The following COL4A2 variants were observed in gnomAD, a reference collection of about 807,000 sequenced individuals.
The protein encoded by COL4A2 is collagen type IV alpha 2 chain, also known as collagen alpha-2(IV) chain.
COL4A2 carries 99 observed loss-of-function variants against 200.2 expected under a neutral mutation model. The observed-to-expected ratio is 0.49, with a 90% confidence interval of 0.42 to 0.58. The LOEUF (loss-of-function observed/expected upper bound fraction) is 0.58, where lower values mean the gene tolerates loss of function less well. Ranked by LOEUF, COL4A2 falls within the 20% of genes least tolerant of loss-of-function variation. The pLI, the probability that COL4A2 is intolerant of heterozygous loss-of-function variation, is 0.00. For synonymous variants in COL4A2, 897 were observed against 900.6 expected, an observed-to-expected ratio of 1.00 and a Z score of 0.07; for missense variants, 1,950 against 2,314.1, an observed-to-expected ratio of 0.84 and a Z score of 3.23.
chr13:110,439,728 C>G, intron 15 of COL4A2, 61 bp from the exon 16 acceptor site: 1 of 1,611,330 alleles, frequency 6.2e-7, no homozygotes, highest in Non-Finnish European at 8.5e-7. Context: ...CGTAGTCAAG[C>G]CCTCTGGAAA....
chr13:110,369,194 A>T (rs1010044910), intron 4 of COL4A2, among the ~76,000 whole-genome samples: 4 of 151,012 alleles, frequency 2.6e-5, no homozygotes, highest in African/African-American at 7.3e-5. Flanking sequence ...CTGGTAATAG[A>T]GCGAGACTCT....
chr13:110,339,174 T>G (rs1363137880), intron 3 of COL4A2, among the ~76,000 whole-genome samples: 1 of 152,200 alleles, frequency 6.6e-6, no homozygotes, highest in East Asian at 1.9e-4. Context: ...CAGAGAAACT[T>G]CAGTGACTTG....
intron 30 of COL4A2, 31 bp downstream of exon 30, chr13:110,478,195 G>T: frequency 6.6e-7 from 1 of 1,520,172 alleles, no homozygotes; most frequent in East Asian, 2.4e-5. Flanking sequence ...TAAACGAGTG[G>T]GGTCCTCACT....
Position 110,512,353 on chromosome 13 carries a change from A to T in COL4A2, c.*162A>T, listed in dbSNP as rs1310826776. 2 of 1,228,500 alleles carry T rather than the reference A, an allele frequency of 1.6e-6. No individual in the cohort carries two copies. Among genetic ancestry groups the T allele is most frequent in the South Asian group, 3.3e-5 (2 of 61,428 alleles). The allele number at this position is 1,228,500 out of a possible 1,614,324, so 76.1% of individuals were successfully genotyped here. On this transcript the variant is annotated 3_prime_UTR_variant, in exon 48 of 48. Transcript: ENST00000360467. ...TTAGACCTGCCAGCCACTGTCACCG[A>T]GCGGGTGCAAGCACTCGGGGTCCCT...
At chr13:110,417,692 C>A (rs888574766) in intron 4 of COL4A2, among the ~76,000 whole-genome samples, 1 of 152,194 alleles carries the variant, frequency 6.6e-6, no homozygotes, top group African/African-American at 2.4e-5. Flanking sequence ...TCTAGAATGT[C>A]ATAAAAATAG....
intron 4 of COL4A2, among the ~76,000 whole-genome samples, chr13:110,396,935 T>C (rs1395546132): frequency 1.3e-5 from 2 of 152,220 alleles, no homozygotes; most frequent in Non-Finnish European, 2.9e-5. Flanking sequence ...TGTGGTTTTA[T>C]TTTGAGTTTG....
At chr13:110,403,896 T>C (rs544800522) in intron 4 of COL4A2, among the ~76,000 whole-genome samples, 1 of 152,340 alleles carries the variant, frequency 6.6e-6, no homozygotes, top group East Asian at 1.9e-4. Context: ...GGCTGGGAAG[T>C]TGAAGAGCAA....
chr13:110,333,322 G>A (rs1256248785), intron 3 of COL4A2, among the ~76,000 whole-genome samples: 2 of 152,154 alleles, frequency 1.3e-5, no homozygotes, highest in Admixed American at 6.5e-5. Context: ...AAAACATTAG[G>A]AGTCCCACAC....
chr13:110,334,168 T>A (rs939914944), intron 3 of COL4A2, among the ~76,000 whole-genome samples: 6 of 152,240 alleles, frequency 3.9e-5, no homozygotes, highest in Non-Finnish European at 5.9e-5. Context: ...TGACGCACAG[T>A]CAGTGCCTCT....
intron 27 of COL4A2, among the ~76,000 whole-genome samples, chr13:110,467,373 G>C (rs1882287066): frequency 6.6e-6 from 1 of 152,262 alleles, no homozygotes; most frequent in South Asian, 2.1e-4. Flanking sequence ...GGCAGAGATG[G>C]AAGCCTCGTG....
intron 32 of COL4A2, among the ~76,000 whole-genome samples, chr13:110,483,314 G>A (rs1371229089): frequency 6.6e-6 from 1 of 152,192 alleles, no homozygotes; most frequent in Admixed American, 6.5e-5. Flanking sequence ...GCCAGCAGGA[G>A]TGTAAAACGC....
intron 22 of COL4A2, chr13:110,459,672 T>A (rs1245645739): frequency 6.6e-6 from 1 of 152,208 alleles, no homozygotes. Context: ...TTGCACAACC[T>A]TGTGAAAATA....
At chr13:110,406,842 T>G (rs1260314327) in intron 4 of COL4A2, among the ~76,000 whole-genome samples, 1 of 152,180 alleles carries the variant, frequency 6.6e-6, no homozygotes, top group African/African-American at 2.4e-5. Flanking sequence ...CCTCATTCCT[T>G]TGGTGATTAC....
chr13:110,357,552 T>C lies in COL4A2; in HGVS notation c.180T>C (p.Arg60=). The C allele has an allele frequency of 6.3e-7, 1 of 1,578,034 alleles. No individual in the cohort carries two copies. Among genetic ancestry groups the C allele is most frequent in the African/African-American group, 1.4e-5 (1 of 73,962 alleles). ...AGTGCTACCCTGAGAAAGGTGGACGTGTAAGTCACAGCATTGCAATAAATA... is the reference window on the plus strand; with the variant it reads ...AGTGCTACCCTGAGAAAGGTGGACGCGTAAGTCACAGCATTGCAATAAATA... ...GCQCYPEKGG[R]GQPGPVGPQG... The change falls in exon 4 of 48, where the codon CGT becomes CGC. Residue 60 remains arginine, a splice_region_variant and synonymous_variant. Transcript: ENST00000360467.
At chr13:110,336,588 AC>A (rs924368185) in intron 3 of COL4A2, among the ~76,000 whole-genome samples, 7 of 151,918 alleles carry the variant, frequency 4.6e-5, no homozygotes, top group African/African-American at 1.7e-4. Context: ...AGTTAAACAT[AC>A]TGTTGTTCCC....
At position 110,446,818 on chromosome 13, in the gene COL4A2, G is replaced by A; in HGVS notation, c.1032G>A (p.Gly344=). The change falls in exon 18 of 48, where the codon GGG becomes GGA. Residue 344 remains glycine (G), a synonymous_variant. Coordinates refer to ENST00000360467, the MANE Select transcript of COL4A2 (RefSeq NM_001846.4). The stretch of plus-strand genomic sequence containing the variant: ...TCTAGGGAGAAGCCGGAGACCCAGG[G>A]CCCCCTGGACTACCTGCCTACTCCC... ...RGPKGEAGDP[G]PPGLPAYSPH... 37 of 1,612,092 alleles carry A rather than the reference G, an allele frequency of 2.3e-5. No individual in the cohort carries two copies. Among genetic ancestry groups the A allele is most frequent in the Non-Finnish European group, 3.1e-5 (37 of 1,178,480 alleles).
chr13:110,366,063 T>C (rs1216423725), intron 4 of COL4A2, among the ~76,000 whole-genome samples: 1 of 152,354 alleles, frequency 6.6e-6, no homozygotes, highest in South Asian at 2.1e-4. Context: ...AATCCTTTTT[T>C]CCGACCTCCT....
At chr13:110,310,754 G>C (rs972194634) in intron 3 of COL4A2, among the ~76,000 whole-genome samples, 1 of 152,198 alleles carries the variant, frequency 6.6e-6, no homozygotes, top group Non-Finnish European at 1.5e-5. Flanking sequence ...AAGCAGCTAG[G>C]ATGGGCAGTG....
chr13:110,317,981 G>A (rs1198917908), intron 3 of COL4A2, among the ~76,000 whole-genome samples: 2 of 152,134 alleles, frequency 1.3e-5, no homozygotes, highest in Non-Finnish European at 2.9e-5. Flanking sequence ...TTCTCTCACC[G>A]CCCCGTGTTT....
Sources: gnomAD v4.1 joint callset for allele counts (sites outside exome capture counted in the v4.1 genomes callset) on GRCh38, gnomAD v4.1.1 for gene constraint, MANE v1.5 for transcripts, NCBI Gene and HGNC (gene_info 2026-07-23, HGNC 2026-07-21) for gene names.